The following RBMS3 variants were observed in gnomAD, a reference collection of about 807,000 sequenced individuals.
The protein encoded by RBMS3 is RNA-binding motif, single-stranded-interacting protein 3.
Under a neutral mutation model 66.8 loss-of-function variants are expected in RBMS3, and 27 were observed. That is an observed-to-expected ratio of 0.40 (90% CI 0.30 to 0.56). The LOEUF is 0.56. Among genes scored for constraint, RBMS3 ranks in the 20% least tolerant of loss-of-function variants. The pLI, the probability that RBMS3 is intolerant of heterozygous loss-of-function variation, is 0.40. For synonymous variants in RBMS3, 188 were observed against 183.0 expected (o/e 1.03, Z -0.22); for missense variants, 513 against 549.5 (o/e 0.93, Z 0.66).
At chr3:29,550,399 T>G (rs1204920587) in intron 3 of RBMS3, among the ~76,000 whole-genome samples, 3 of 152,166 alleles carry the variant, frequency 2.0e-5, no homozygotes. Context: ...GTATGTCCCA[T>G]GCAATATTTG....
intron 4 of RBMS3, among the ~76,000 whole-genome samples, chr3:29,701,613 G>A (rs1035137649): frequency 1.4e-4 from 21 of 152,010 alleles, no homozygotes; most frequent in South Asian, 1.0e-3. Context: ...TGCGCGCGTC[G>A]TTCACGGCCC....
intron 9 of RBMS3, among the ~76,000 whole-genome samples, chr3:29,897,937 A>G (rs1298233942): frequency 1.3e-5 from 2 of 151,630 alleles, no homozygotes; most frequent in African/African-American, 4.8e-5. Context: ...ACTTCCCAAG[A>G]AACAGAAGAA....
rs1411029718 is a variant in RBMS3 at position 29,793,730 on chromosome 3, CA to C, written c.637+30742del. Among the ~76,000 whole-genome samples, 8 of 152,334 alleles carry C rather than the reference CA, an allele frequency of 5.3e-5. No individual in the cohort carries two copies. In the East Asian group the frequency reaches 1.5e-3, roughly 29 times the overall value. On this transcript the variant is annotated intron_variant, in intron 6 of 14. Coordinates refer to ENST00000383767, the MANE Select transcript of RBMS3 (RefSeq NM_001003793.3). The stretch of plus-strand genomic sequence containing the variant: ...AGCTTAGCTTCACTGATGTGGCTTA[CA>C]CGCTGTTTCAGAGATGTATGGTCAT...
chr3:29,505,709 C>T (rs1037656949), intron 3 of RBMS3, among the ~76,000 whole-genome samples: 5 of 151,242 alleles, frequency 3.3e-5, no homozygotes, highest in African/African-American at 9.7e-5. Flanking sequence ...AATCAATGAA[C>T]GTGAGACATG....
In RBMS3 at chr3:29,281,769, C is replaced by A; in HGVS notation, c.75+13C>A. On this transcript the variant is annotated intron_variant, in intron 1 of 14. Coordinates refer to ENST00000383767, the MANE Select transcript of RBMS3 (RefSeq NM_001003793.3). ...TCTCCAAACCAAGGTATGGCTTGAC[C>A]CACGGTCTGGCGATCAGCGTGGTAT... The A allele has an allele frequency of 1.2e-6, 2 of 1,604,232 alleles. No individual in the cohort carries two copies. Among genetic ancestry groups the A allele is most frequent in the Non-Finnish European group, 1.7e-6 (2 of 1,171,858 alleles).
Position 30,004,330 on chromosome 3 carries a change from G to GT in RBMS3, c.*474dup, listed in dbSNP as rs1397419768. 6.6e-6 allele frequency: 1 copy of GT among 151,532 alleles called. No homozygotes were observed. Among genetic ancestry groups the GT allele is most frequent in the African/African-American group, 2.4e-5 (1 of 41,132 alleles). The allele number at this position is 151,532 out of a possible 1,614,324, so 9.4% of individuals were successfully genotyped here. On this transcript the variant is annotated 3_prime_UTR_variant, in exon 15 of 15. Coordinates refer to ENST00000383767, the MANE Select transcript of RBMS3 (RefSeq NM_001003793.3). The stretch of plus-strand genomic sequence containing the variant: ...TTCCCTTCTTGTTTTAATCTAGTGG[G>GT]TTTTTTATTTTATTTTTTCTTAGAA...
intron 1 of RBMS3, among the ~76,000 whole-genome samples, chr3:29,362,487 CG>C (rs2037659002): frequency 6.6e-6 from 1 of 152,136 alleles, no homozygotes; most frequent in South Asian, 2.1e-4. Context: ...ATAGGCTGCT[CG>C]GGGGTCAGGA....
intron 4 of RBMS3, among the ~76,000 whole-genome samples, chr3:29,678,941 A>C (rs1644902453): frequency 6.6e-6 from 1 of 152,188 alleles, no homozygotes; most frequent in African/African-American, 2.4e-5. Flanking sequence ...TAAAAGCTGA[A>C]CAAATAATTT....
intron 4 of RBMS3, among the ~76,000 whole-genome samples, chr3:29,691,328 C>T (rs2051996821): frequency 6.6e-6 from 1 of 152,142 alleles, no homozygotes; most frequent in African/African-American, 2.4e-5. Context: ...GGGTTCTGTA[C>T]CTTCTCCCAG....
intron 4 of RBMS3, among the ~76,000 whole-genome samples, chr3:29,732,392 G>C (rs1281170669): frequency 6.6e-6 from 1 of 152,180 alleles, no homozygotes; most frequent in Middle Eastern, 3.2e-3. Context: ...AGAGCAATCT[G>C]TTTCACACAG....
intron 6 of RBMS3, chr3:29,766,057 T>C (rs1559648760): frequency 6.6e-6 from 1 of 152,008 alleles, no homozygotes; most frequent in Non-Finnish European, 1.5e-5. Flanking sequence ...CAAGATGAGA[T>C]TTGGGTGGGG....
intron 4 of RBMS3, among the ~76,000 whole-genome samples, chr3:29,602,001 C>T (rs2048161047): frequency 6.6e-6 from 1 of 151,986 alleles, no homozygotes; most frequent in African/African-American, 2.4e-5. Flanking sequence ...AAGAAAATGA[C>T]AATTGTCATT....
chr3:29,435,043 G>A, intron 2 of RBMS3, 128 bp downstream of exon 2: 2 of 1,002,984 alleles, frequency 2.0e-6, no homozygotes, highest in Non-Finnish European at 1.4e-6. Flanking sequence ...TTTACAAACA[G>A]GACTTAAATT....
chr3:29,298,578 TCTC>T (rs914455568), intron 1 of RBMS3, among the ~76,000 whole-genome samples: 14 of 151,030 alleles, frequency 9.3e-5, no homozygotes, highest in Admixed American at 7.9e-4. Context: ...AAGGTAAAAT[TCTC>T]CTCAAGGTGT....
intron 5 of RBMS3, among the ~76,000 whole-genome samples, chr3:29,752,609 A>C (rs544555869): frequency 6.6e-6 from 1 of 152,340 alleles, no homozygotes; most frequent in South Asian, 2.1e-4. Flanking sequence ...TGTCACATAC[A>C]CATGCCACAT....
At chr3:29,711,923 G>A (rs1458969652) in intron 4 of RBMS3, among the ~76,000 whole-genome samples, 1 of 152,140 alleles carries the variant, frequency 6.6e-6, no homozygotes. Flanking sequence ...AAAATTCAAT[G>A]GATGACAACT....
At chr3:29,402,691 C>A (rs2039862339) in intron 1 of RBMS3, among the ~76,000 whole-genome samples, 1 of 151,976 alleles carries the variant, frequency 6.6e-6, no homozygotes, top group Admixed American at 6.6e-5. Context: ...TGTAGTTGGT[C>A]TTGACTCCAA....
chr3:29,595,323 C>G (rs1012030908), intron 4 of RBMS3, among the ~76,000 whole-genome samples: 1 of 149,626 alleles, frequency 6.7e-6, no homozygotes, highest in Non-Finnish European at 1.5e-5. Context: ...CACTTCAACC[C>G]GGGAGGTGGA....
In RBMS3 at chr3:29,907,750, A is replaced by T. The variant is rs182460728; in HGVS notation, c.939+7995A>T. Among the ~76,000 whole-genome samples, 323 of 152,208 alleles carry T rather than the reference A, an allele frequency of 2.1e-3. 1 individual carries two copies. The highest frequency in any genetic ancestry group is 7.5e-3 in the African/African-American group (313 of 41,536). On this transcript the variant is annotated intron_variant, in intron 10 of 14. Coordinates refer to ENST00000383767, the MANE Select transcript of RBMS3 (RefSeq NM_001003793.3). ...AGGCTTTATAAAGTTAATTTGGAAT[A>T]ATTCCTTTTTCTCTAATTGCAGAAA...
Sources: gnomAD v4.1 joint callset for allele counts (sites outside exome capture counted in the v4.1 genomes callset) on GRCh38, gnomAD v4.1.1 for gene constraint, MANE v1.5 for transcripts, NCBI Gene and HGNC (gene_info 2026-07-23, HGNC 2026-07-21) for gene names.